SETD2: variants seen among roughly 807,000 people sequenced by gnomAD.
SETD2 encodes the protein histone-lysine N-methyltransferase SETD2.
A neutral mutation model predicts 242.1 loss-of-function variants in SETD2; 31 were observed. The ratio of observed to expected loss-of-function variants is 0.13; its 90% CI spans 0.10 to 0.17. The LOEUF is 0.17. Ranked by LOEUF, SETD2 falls within the 10% of genes least tolerant of loss-of-function variation. The probability of loss-of-function intolerance (pLI) is 1.00; values close to 1 mark genes in which losing one functional copy is unlikely to be tolerated. For synonymous variants in SETD2, 1,006 were observed against 1,066.5 expected (o/e 0.94, Z 1.11); for missense variants, 2,481 against 3,046.3 (o/e 0.81, Z 4.37).
At chr3:47,034,693 G>A (rs183861914) in intron 18 of SETD2, among the ~76,000 whole-genome samples, 1 of 152,256 alleles carries the variant, frequency 6.6e-6, no homozygotes, top group East Asian at 1.9e-4. Context: ...CAAATCAAAT[G>A]ACAAAATAAA....
intron 9 of SETD2, among the ~76,000 whole-genome samples, chr3:47,089,596 A>G (rs933067855): frequency 6.6e-6 from 1 of 152,182 alleles, no homozygotes; most frequent in Non-Finnish European, 1.5e-5. Flanking sequence ...AATGTAAATA[A>G]CGGGGGGTGG....
In SETD2 at chr3:47,122,619, T is replaced by C; in HGVS notation, c.2017A>G (p.Ile673Val). Residue 673 changes from isoleucine (I) to valine (V), a missense_variant, in exon 3 of 21, where the codon ATA (isoleucine) becomes GTA (valine). Physicochemically the swap from Ile to Val is conservative, Grantham distance 29. Coordinates refer to ENST00000409792, the MANE Select transcript of SETD2 (RefSeq NM_014159.7). ...GATTCTGCCCCAGGAGATCCATTTA[T>C]ATTTAATTCTATGGGACAAAAACTT... Reference protein sequence around the residue: ...LRSFCPIELNINGSPGAESDL... With the variant: ...LRSFCPIELNVNGSPGAESDL... 3 of 1,614,002 alleles carry C rather than the reference T, an allele frequency of 1.9e-6. No homozygotes were observed. The highest frequency in any genetic ancestry group is 1.7e-6 in the Non-Finnish European group (2 of 1,179,908).
At chr3:47,083,659 G>C in intron 12 of SETD2, 61 bp downstream of exon 12, 2 of 1,482,478 alleles carry the variant, frequency 1.3e-6, no homozygotes, top group South Asian at 1.3e-5. Context: ...ATTTTGCTTA[G>C]GTTTGTAGAA....
intron 1 of SETD2, among the ~76,000 whole-genome samples, chr3:47,128,853 GTATA>G (rs1190664527): frequency 6.6e-6 from 1 of 152,028 alleles, no homozygotes; most frequent in Non-Finnish European, 1.5e-5. Flanking sequence ...AGAACCTATG[GTATA>G]TTCAATTTGA....
At chr3:47,061,086 C>T (rs1468136033) in intron 14 of SETD2, among the ~76,000 whole-genome samples, 5 of 151,950 alleles carry the variant, frequency 3.3e-5, no homozygotes, top group African/African-American at 4.8e-5. Flanking sequence ...GGCATGGTGG[C>T]GGGCACCTGT....
At chr3:47,148,248 A>T (rs1320808935) in intron 1 of SETD2, among the ~76,000 whole-genome samples, 1 of 151,986 alleles carries the variant, frequency 6.6e-6, no homozygotes, top group African/African-American at 2.4e-5. Flanking sequence ...CTCCTGCCTC[A>T]GCCTCCCAAG....
chr3:47,093,284 CTTTTT>C, intron 9 of SETD2, among the ~76,000 whole-genome samples: 1 of 133,680 alleles, frequency 7.5e-6, no homozygotes, highest in Non-Finnish European at 1.6e-5. Flanking sequence ...TTTATCCATC[CTTTTT>C]TTTTTTTTTT....
chr3:47,118,504 C>G (rs2042949262), intron 3 of SETD2, among the ~76,000 whole-genome samples: 1 of 151,808 alleles, frequency 6.6e-6, no homozygotes, highest in Non-Finnish European at 1.5e-5. Flanking sequence ...GGCGGATCAC[C>G]TGAGGTCAGG....
chr3:47,063,317 A>C (rs141993829), intron 13 of SETD2, among the ~76,000 whole-genome samples: 136 of 152,280 alleles, frequency 8.9e-4, no homozygotes, highest in African/African-American at 3.0e-3. Context: ...TCTTAAAAAA[A>C]CATAATACCA....
intron 11 of SETD2, among the ~76,000 whole-genome samples, chr3:47,085,306 T>C (rs2041505699): frequency 6.6e-6 from 1 of 152,216 alleles, no homozygotes; most frequent in Non-Finnish European, 1.5e-5. Flanking sequence ...TGGGTATCTT[T>C]TCTTAAAAAG....
At chr3:47,039,884 CAA>C (rs201543639) in intron 17 of SETD2, among the ~76,000 whole-genome samples, 24 of 74,936 alleles carry the variant, frequency 3.2e-4, no homozygotes, top group Admixed American at 4.2e-4. Context: ...AACTCTGTCT[CAA>C]AAAAAAAAAA....
intron 4 of SETD2, 119 bp from the exon 5 acceptor site, chr3:47,114,123 T>G (rs749779398): frequency 2.0e-6 from 2 of 989,068 alleles, no homozygotes; most frequent in Admixed American, 5.4e-5. Flanking sequence ...AATTAGCATA[T>G]GTATGACTAA....
rs781672875 is a variant in SETD2, at chr3:47,120,609, G to T, written c.4027C>A (p.Gln1343Lys). The stretch of plus-strand genomic sequence containing the variant: ...TCTGAAAAATGGGATCCATCCTGTT[G>T]ATCCCAATTCTCCTCTTCTTCACGA... ...DDREEEENWD[Q>K]QDGSHFSDQS... Residue 1343 changes from glutamine (Q) to lysine (K), a missense_variant, in exon 3 of 21, where the codon CAA becomes AAA. By Grantham distance (53) the Gln-to-Lys change is moderately conservative. Around this residue, in one of 17 missense-constraint regions of SETD2, gnomAD observed 1,300 missense variants for 1,259.2 expected, o/e 1.03. Coordinates refer to ENST00000409792, the MANE Select transcript of SETD2 (RefSeq NM_014159.7). The T allele has an allele frequency of 4.3e-6, 7 of 1,613,900 alleles. No homozygotes were observed. Among genetic ancestry groups the T allele is most frequent in the Admixed American group, 1.7e-5 (1 of 59,994 alleles).
At chr3:47,066,134 T>C (rs952035335) in intron 13 of SETD2, among the ~76,000 whole-genome samples, 5 of 152,226 alleles carry the variant, frequency 3.3e-5, no homozygotes, top group African/African-American at 4.8e-5. Context: ...TGATGATCTA[T>C]TTCCACTTAA....
intron 16 of SETD2, among the ~76,000 whole-genome samples, chr3:47,045,489 G>C (rs949143989): frequency 6.8e-6 from 1 of 146,908 alleles, no homozygotes; most frequent in Non-Finnish European, 1.5e-5. Flanking sequence ...CTGCACTCCA[G>C]CCTGGGCGAC....
chr3:47,078,235 T>C (rs895840082), intron 12 of SETD2, among the ~76,000 whole-genome samples: 5 of 152,196 alleles, frequency 3.3e-5, no homozygotes, highest in African/African-American at 1.2e-4. Context: ...GGCAGACTAC[T>C]GCTTAATCGA....
chr3:47,115,843 A>C (rs1165069509), intron 4 of SETD2, among the ~76,000 whole-genome samples: 1 of 152,106 alleles, frequency 6.6e-6, no homozygotes. Context: ...ATGGGGTTTC[A>C]CCATGTTGGC....
chr3:47,104,654 G>A (rs2042340515), intron 6 of SETD2, among the ~76,000 whole-genome samples: 2 of 152,178 alleles, frequency 1.3e-5, no homozygotes, highest in Admixed American at 1.3e-4. Context: ...CTTTGAAACT[G>A]CAACTTACAA....
At chr3:47,050,280 T>TA (rs1186119969) in intron 15 of SETD2, among the ~76,000 whole-genome samples, 2 of 151,900 alleles carry the variant, frequency 1.3e-5, no homozygotes, top group South Asian at 2.1e-4. Flanking sequence ...TGTATCAACA[T>TA]AAAAAAACAA....
Sources: allele counts gnomAD v4.1 joint callset (sites outside exome capture counted in the v4.1 genomes callset), GRCh38; gene constraint gnomAD v4.1.1; regional missense constraint gnomAD v4.1.1; transcripts MANE v1.5; gene names NCBI Gene and HGNC (gene_info 2026-07-23, HGNC 2026-07-21).